B4GALNT2: variants seen among roughly 807,000 people sequenced by gnomAD.
B4GALNT2 encodes N-acetylneuraminylgalactosylglucosyl-glucoside beta-1,4-N- acetylgalactosaminyltransferase 2.
A neutral mutation model predicts 51.1 loss-of-function variants in B4GALNT2; 42 were observed. That is an observed-to-expected ratio of 0.82 (90% CI 0.64 to 1.06). B4GALNT2 has a LOEUF of 1.06. Ranked by LOEUF, B4GALNT2 falls within the 50% of genes least tolerant of loss-of-function variation. B4GALNT2 has a pLI of 0.00. For missense variants in B4GALNT2, 602 were observed against 633.6 expected, an observed-to-expected ratio of 0.95 and a Z score of 0.54; for synonymous variants, 253 against 251.7, an observed-to-expected ratio of 1.01 and a Z score of -0.05.
chr17:49,133,163 A>T, intron 1 of B4GALNT2: 1 of 1,524,752 alleles, frequency 6.6e-7, no homozygotes, highest in Non-Finnish European at 8.7e-7. Context: ...TGGAACTCAG[A>T]GGCGCTGACC....
chr17:49,123,917 C>G, the B4GALNT2 span, among the ~76,000 whole-genome samples: 1 of 152,142 alleles, frequency 6.6e-6, no homozygotes, highest in Non-Finnish European at 1.5e-5. Flanking sequence ...GTAAAATAAC[C>G]AGTTTTTCCA....
chr17:49,138,643 C>T (rs183311909), intron 1 of B4GALNT2, among the ~76,000 whole-genome samples: 165 of 152,210 alleles, frequency 1.1e-3, no homozygotes, highest in African/African-American at 3.7e-3. Flanking sequence ...TTTGGGAGGC[C>T]GAGGCAGGCA....
At chr17:49,161,603 A>G (rs1217779608) in intron 7 of B4GALNT2, among the ~76,000 whole-genome samples, 1 of 152,126 alleles carries the variant, frequency 6.6e-6, no homozygotes, top group East Asian at 1.9e-4. Context: ...AATTAGAAGT[A>G]AAACTTGAAT....
upstream of B4GALNT2, among the ~76,000 whole-genome samples, chr17:49,130,662 T>C (rs2042532798): frequency 6.6e-6 from 1 of 151,032 alleles, no homozygotes; most frequent in Non-Finnish European, 1.5e-5. Flanking sequence ...TCTAGTTGTG[T>C]ATTACTCTTT....
chr17:49,158,259 A>T (rs4794025), intron 5 of B4GALNT2, among the ~76,000 whole-genome samples: 150,994 of 152,272 alleles, frequency 0.99, 74,874 homozygotes, highest in East Asian at 1. Context: ...TTTGAAGACA[A>T]CAAGTTTGAG....
upstream of B4GALNT2, among the ~76,000 whole-genome samples, chr17:49,131,298 T>C (rs2042536599): frequency 2.0e-5 from 3 of 151,992 alleles, no homozygotes; most frequent in South Asian, 6.2e-4. Context: ...AGCTAGAAAA[T>C]AGTTATCTAC....
At chr17:49,155,872 G>A (rs554361053) in intron 4 of B4GALNT2, among the ~76,000 whole-genome samples, 3 of 151,594 alleles carry the variant, frequency 2.0e-5, no homozygotes, top group Admixed American at 6.6e-5. Context: ...ACAGGCACCC[G>A]CCACCATGCC....
intron 3 of B4GALNT2, among the ~76,000 whole-genome samples, chr17:49,149,804 A>G (rs1240454595): frequency 6.6e-6 from 1 of 152,084 alleles, no homozygotes; most frequent in East Asian, 1.9e-4. Context: ...TTTATTTTTG[A>G]TAGATATTGC....
intron 1 of B4GALNT2, among the ~76,000 whole-genome samples, chr17:49,137,064 C>CT (rs35988405): frequency 0.08 from 11,941 of 149,396 alleles, 757 homozygotes; most frequent in African/African-American, 0.17. Flanking sequence ...CAGAAACCCA[C>CT]TTTTTTTTTT....
At chr17:49,156,817 A>G (rs2042815112) in intron 5 of B4GALNT2, among the ~76,000 whole-genome samples, 1 of 152,166 alleles carries the variant, frequency 6.6e-6, no homozygotes, top group Admixed American at 6.5e-5. Flanking sequence ...ACACTGAAGA[A>G]TGGGACCCAC....
intron 3 of B4GALNT2, among the ~76,000 whole-genome samples, chr17:49,142,840 C>A (rs894552825): frequency 1.1e-4 from 17 of 152,198 alleles, no homozygotes; most frequent in Admixed American, 6.5e-4. Flanking sequence ...CTATTTTATT[C>A]ATTTATATGT....
chr17:49,165,626 C>T (rs1253755251), intron 8 of B4GALNT2, among the ~76,000 whole-genome samples: 6 of 144,128 alleles, frequency 4.2e-5, no homozygotes, highest in African/African-American at 1.6e-4. Context: ...CTTCTTCCCA[C>T]CCTTCCTCTC....
intron 5 of B4GALNT2, 115 bp from the exon 6 acceptor site, chr17:49,158,922 C>T: frequency 8.1e-7 from 1 of 1,233,864 alleles, no homozygotes; most frequent in Non-Finnish European, 1.1e-6. Flanking sequence ...CCTGGTGCTT[C>T]TCCCCTCACC....
chr17:49,153,853 G>C (rs576913040), intron 4 of B4GALNT2, among the ~76,000 whole-genome samples: 5 of 151,946 alleles, frequency 3.3e-5, no homozygotes, highest in African/African-American at 1.2e-4. Flanking sequence ...CCACAACTGG[G>C]AATCTCCTTT....
rs547259583 is a variant in B4GALNT2, at chr17:49,134,491, C to T, written c.14+1685C>T. Among the ~76,000 whole-genome samples the T allele has an allele frequency of 1.1e-3, 163 of 151,862 alleles. 1 individual carries two copies. Among genetic ancestry groups the T allele is most frequent in the African/African-American group, 3.8e-3 (157 of 41,436 alleles). On this transcript the variant is annotated intron_variant, in intron 1 of 10. Transcript: ENST00000393354. The stretch of plus-strand genomic sequence containing the variant: ...GCGATCTCGGCTCACTGCAATCTTT[C>T]CCTCCCGAGCTCAAGTGATTCTTCC...
At chr17:49,130,725 T>C (rs1281848956), upstream of B4GALNT2, among the ~76,000 whole-genome samples, 1 of 152,222 alleles carries the variant, frequency 6.6e-6, no homozygotes. Flanking sequence ...GCAGAAACCA[T>C]AGTTTCTGCC....
intron 7 of B4GALNT2, 37 bp from the exon 8 acceptor site, chr17:49,164,051 C>G: frequency 6.3e-7 from 1 of 1,586,548 alleles, no homozygotes. Context: ...AAGCTTCCTA[C>G]AGGACAGAGC....
chr17:49,149,749 C>T (rs2042731348), intron 3 of B4GALNT2, among the ~76,000 whole-genome samples: 1 of 152,118 alleles, frequency 6.6e-6, no homozygotes, highest in South Asian at 2.1e-4. Context: ...AAGCATTTCT[C>T]CTTTCACCTA....
intron 3 of B4GALNT2, among the ~76,000 whole-genome samples, chr17:49,150,492 T>C (rs1271461582): frequency 1.3e-5 from 2 of 151,642 alleles, no homozygotes; most frequent in African/African-American, 4.8e-5. Context: ...CGGGGAAGGG[T>C]GGGGAAAAGA....
Sources: gnomAD v4.1 joint callset for allele counts (sites outside exome capture counted in the v4.1 genomes callset) on GRCh38, gnomAD v4.1.1 for gene constraint, MANE v1.5 for transcripts, NCBI Gene and HGNC (gene_info 2026-07-23, HGNC 2026-07-21) for gene names.